LSM1: variants seen among roughly 807,000 people sequenced by gnomAD.
LSM1 encodes the protein U6 snRNA-associated Sm-like protein LSm1.
A neutral mutation model predicts 18.0 loss-of-function variants in LSM1; 13 were observed. That is an observed-to-expected ratio of 0.72 (90% confidence interval 0.47 to 1.15). The LOEUF (loss-of-function observed/expected upper bound fraction) is 1.15. Ranked by LOEUF, LSM1 falls within the 50% of genes most tolerant of loss-of-function variation. The pLI is 0.00. For synonymous variants in LSM1, 46 were observed against 56.0 expected, an observed-to-expected ratio of 0.82 and a Z score of 0.80; for missense variants, 152 against 157.7, an observed-to-expected ratio of 0.96 and a Z score of 0.19.
upstream of LSM1, chr8:38,176,533 A>C: frequency 1.7e-6 from 1 of 578,146 alleles, no homozygotes; most frequent in South Asian, 2.3e-5. Flanking sequence ...GGCCCCCAGG[A>C]AGAGGCGGGG....
chr8:38,169,696 C>A, intron 3 of LSM1, 106 bp downstream of exon 3: 2 of 644,242 alleles, frequency 3.1e-6, no homozygotes, highest in Non-Finnish European at 5.4e-6. Flanking sequence ...CTAGGAGAAG[C>A]CAGATAAATG....
At chr8:38,174,319 A>G (rs1201006313) in intron 1 of LSM1, among the ~76,000 whole-genome samples, 5 of 152,124 alleles carry the variant, frequency 3.3e-5, no homozygotes, top group Admixed American at 3.3e-4. Flanking sequence ...ACAACGAAAA[A>G]AGGTTCCAGA....
At chr8:38,170,072 C>T (rs189174462) in intron 2 of LSM1, among the ~76,000 whole-genome samples, 155 bp from the exon 3 acceptor site, 54 of 152,300 alleles carry the variant, frequency 3.5e-4, no homozygotes, top group East Asian at 1.9e-4. Context: ...GACCGAGTCT[C>T]GCTCTGTCAC....
chr8:38,173,371 G>A (rs1182538219), intron 1 of LSM1, among the ~76,000 whole-genome samples: 1 of 151,470 alleles, frequency 6.6e-6, no homozygotes, highest in South Asian at 2.1e-4. Context: ...GTGATAGGAA[G>A]GGGGCGGGGG....
At chr8:38,171,336 C>A (rs1397473618) in intron 2 of LSM1, among the ~76,000 whole-genome samples, 1 of 152,190 alleles carries the variant, frequency 6.6e-6, no homozygotes, top group East Asian at 1.9e-4. Context: ...ATGCACCAGA[C>A]ATGTGAGTGA....
At position 38,163,684 on chromosome 8, in the gene LSM1, G is replaced by C; in HGVS notation, c.388C>G (p.Leu130Val). Residue 130 changes from leucine to valine, a missense_variant, in exon 4 of 4, where the codon CTT (leucine) becomes GTT (valine). Leu to Val is a conservative substitution (Grantham distance 32). Transcript: ENST00000311351. ...TGGGCAAAAGATTAGTACTCATCAAGAGTATCTGCTCGAGGAATGGAAAGA... is the reference window on the plus strand; with the variant it reads ...TGGGCAAAAGATTAGTACTCATCAACAGTATCTGCTCGAGGAATGGAAAGA... ...RGLSIPRADTLDEY is the reference protein window; with the variant it reads ...RGLSIPRADTVDEY 1 of 1,614,158 alleles carries C rather than the reference G, an allele frequency of 6.2e-7. No homozygotes were observed. The highest frequency in any genetic ancestry group is 8.5e-7 in the Non-Finnish European group (1 of 1,180,026).
At chr8:38,164,047 T>C (rs1281978248) in intron 3 of LSM1, among the ~76,000 whole-genome samples, 2 of 152,090 alleles carry the variant, frequency 1.3e-5, no homozygotes, top group Non-Finnish European at 2.9e-5. Flanking sequence ...ATGAGGTTAA[T>C]AGTGATCAGT....
In LSM1 at chr8:38,169,816, G is replaced by A. The variant is rs370970373; in HGVS notation, c.217C>T (p.Leu73=). The part of the protein sequence containing the change: ...IFVVRGENVV[L]LGEIDLEKES... ...TTTTCACTTACTATTTCTCCTAGTA[G>A]GACCACATTTTCTCCTCTGACCACA... The change falls in exon 3 of 4, where the codon CTA becomes TTA. Residue 73 remains leucine (L), a synonymous_variant. Transcript: ENST00000311351. 3.5e-5 allele frequency: 57 copies of A among 1,607,596 alleles called. No individual in the cohort carries two copies. The highest frequency in any genetic ancestry group is 4.4e-5 in the Non-Finnish European group (52 of 1,174,400).
At chr8:38,167,931 C>G (rs1033510450) in intron 3 of LSM1, among the ~76,000 whole-genome samples, 1 of 151,788 alleles carries the variant, frequency 6.6e-6, no homozygotes, top group Non-Finnish European at 1.5e-5. Flanking sequence ...TGTAGTGTCT[C>G]CCCATGGGTA....
At chr8:38,165,198 A>C (rs1435235131) in intron 3 of LSM1, among the ~76,000 whole-genome samples, 2 of 152,090 alleles carry the variant, frequency 1.3e-5, no homozygotes, top group Non-Finnish European at 2.9e-5. Context: ...AAAAATACAA[A>C]AAAAATTAGC....
chr8:38,176,682 C>T (rs1803155312), upstream of LSM1: 1 of 700,102 alleles, frequency 1.4e-6, no homozygotes, highest in Non-Finnish European at 2.2e-6. Context: ...TTCCCGAGAC[C>T]CCAGAGTCAC....
At chr8:38,164,776 C>T (rs577769625) in intron 3 of LSM1, among the ~76,000 whole-genome samples, 12 of 152,124 alleles carry the variant, frequency 7.9e-5, no homozygotes, top group African/African-American at 2.4e-4. Context: ...TTCAAGGCTG[C>T]AGTGAGCCAT....
intron 1 of LSM1, among the ~76,000 whole-genome samples, chr8:38,174,914 C>G (rs2130649766): frequency 6.7e-6 from 1 of 149,844 alleles, no homozygotes; most frequent in South Asian, 2.1e-4. Flanking sequence ...ATCCCAGTTA[C>G]TTGGGAGGCT....
At chr8:38,166,393 TGTGCCTG>T (rs1483954356) in intron 3 of LSM1, among the ~76,000 whole-genome samples, 4 of 152,224 alleles carry the variant, frequency 2.6e-5, no homozygotes, top group Non-Finnish European at 5.9e-5. Context: ...TGTGAGCCAC[TGTGCCTG>T]GCCCTTATAA....
At chr8:38,164,327 T>C (rs1048839720) in intron 3 of LSM1, among the ~76,000 whole-genome samples, 1 of 151,952 alleles carries the variant, frequency 6.6e-6, no homozygotes, top group African/African-American at 2.4e-5. Context: ...GCTGGGATTA[T>C]AGGCAGTAAT....
At chr8:38,171,363 C>A (rs998753171) in intron 2 of LSM1, among the ~76,000 whole-genome samples, 2 of 152,208 alleles carry the variant, frequency 1.3e-5, no homozygotes, top group African/African-American at 4.8e-5. Context: ...TTCAAACCAG[C>A]TGACTCACCT....
At position 38,176,233 on chromosome 8, in the gene LSM1, G is replaced by C. The variant is rs1206876624; in HGVS notation, c.46+42C>G. 4 of 1,586,396 alleles carry C rather than the reference G, an allele frequency of 2.5e-6. No homozygotes were observed. The East Asian group carries it at 8.9e-5, about 35-fold the overall frequency. ...GAAGAGGCGCCCGCCCGGGAGGAAG[G>C]GTCTAACCCCGGGCTCCACCGGGAG... On this transcript the variant is annotated intron_variant, in intron 1 of 3. Coordinates refer to ENST00000311351, the MANE Select transcript of LSM1 (RefSeq NM_014462.3).
chr8:38,172,184 A>G, intron 1 of LSM1, 151 bp from the exon 2 acceptor site: 1 of 596,020 alleles, frequency 1.7e-6, no homozygotes, highest in Non-Finnish European at 2.9e-6. Flanking sequence ...AAAGCAGCAC[A>G]GCAACGCGGA....
chr8:38,176,728 A>C, upstream of LSM1: 1 of 1,139,672 alleles, frequency 8.8e-7, no homozygotes, highest in South Asian at 2.0e-5. Flanking sequence ...GTTCGGCAGC[A>C]GAAGGGGCGG....
Sources: gnomAD v4.1 joint callset for allele counts (sites outside exome capture counted in the v4.1 genomes callset) on GRCh38, gnomAD v4.1.1 for gene constraint, MANE v1.5 for transcripts, NCBI Gene and HGNC (gene_info 2026-07-23, HGNC 2026-07-21) for gene names.